ATXN10: variants seen among roughly 807,000 people sequenced by gnomAD.
ATXN10 encodes the protein ataxin 10.
A neutral mutation model predicts 52.9 loss-of-function variants in ATXN10; 28 were observed. That is an observed-to-expected ratio of 0.53 (90% CI 0.39 to 0.73). The LOEUF is 0.73. Ranked by LOEUF, ATXN10 falls within the 30% of genes least tolerant of loss-of-function variation. The probability of loss-of-function intolerance (pLI) is 0.00; values close to 1 mark genes in which losing one functional copy is unlikely to be tolerated. For synonymous variants in ATXN10, 226 were observed against 221.5 expected, an observed-to-expected ratio of 1.02 and a Z score of -0.18; for missense variants, 565 against 577.0, an observed-to-expected ratio of 0.98 and a Z score of 0.21.
intron 10 of ATXN10, among the ~76,000 whole-genome samples, chr22:45,809,496 A>G (rs535820168): frequency 7.2e-5 from 11 of 152,308 alleles, no homozygotes; most frequent in African/African-American, 2.4e-4. Context: ...TCTAAATAAT[A>G]TGCTTTATTG....
chr22:45,750,063 C>A lies in ATXN10; in HGVS notation c.1173+9525C>A, dbSNP rs372460736. On this transcript the variant is annotated intron_variant, in intron 9 of 11. Transcript: ENST00000252934. The surrounding 1 kb of genome is among the most constrained non-coding windows in gnomAD (Gnocchi z 4.2). ...ACTGCTACTCAGTTTTCTTTACTTACGCCATATGATCAATTTTTAGATAAC... is the reference window on the plus strand; with the variant it reads ...ACTGCTACTCAGTTTTCTTTACTTAAGCCATATGATCAATTTTTAGATAAC... 9.9e-5 allele frequency among the ~76,000 whole-genome samples: 15 copies of A among 152,132 alleles called. No homozygotes were observed. The East Asian group carries it at 2.9e-3, about 29-fold the overall frequency.
intron 9 of ATXN10, among the ~76,000 whole-genome samples, chr22:45,778,635 T>G (rs1927043131): frequency 6.6e-6 from 1 of 152,192 alleles, no homozygotes; most frequent in African/African-American, 2.4e-5. Flanking sequence ...TCTGGTACAA[T>G]TAGCCTAAAA....
rs1928060078 is a variant in ATXN10, at chr22:45,805,203, A to G, written c.1174-1756A>G. ...GAATGCCTACTACAAAAGACAGACA[A>G]TAGCAAGTGTTTATGAGATTGTGGA... is the stretch of plus-strand genomic sequence containing the variant. On this transcript the variant is annotated intron_variant, in intron 9 of 11. Transcript: ENST00000252934. The surrounding 1 kb of genome is among the most constrained non-coding windows in gnomAD (Gnocchi z 4.4). 6.6e-6 allele frequency among the ~76,000 whole-genome samples: 1 copy of G among 152,238 alleles called. No homozygotes were observed. The highest frequency in any genetic ancestry group is 2.4e-5 in the African/African-American group (1 of 41,462).
In ATXN10 at chr22:45,783,528, C is replaced by T. The variant is rs570994913; in HGVS notation, c.1174-23431C>T. On this transcript the variant is annotated intron_variant, in intron 9 of 11. Coordinates refer to ENST00000252934, the MANE Select transcript of ATXN10 (RefSeq NM_013236.4). The surrounding 1 kb of genome is among the most constrained non-coding windows in gnomAD (Gnocchi z 5.0). ...CAGGGCTGCCCCTGATTGGACCTGC[C>T]TGGCCGGCTCAGGTGTCCTCTTCTG... 1.8e-4 allele frequency among the ~76,000 whole-genome samples: 28 copies of T among 152,312 alleles called. No homozygotes were observed. The highest frequency in any genetic ancestry group is 6.5e-4 in the African/African-American group (27 of 41,572).
intron 9 of ATXN10, among the ~76,000 whole-genome samples, chr22:45,742,020 T>C (rs1367110755): frequency 2.6e-5 from 4 of 152,170 alleles, no homozygotes; most frequent in African/African-American, 9.7e-5. Context: ...CCCCAAACTC[T>C]GGGTGTCAGC....
At chr22:45,797,093 C>G (rs1927768823) in intron 9 of ATXN10, among the ~76,000 whole-genome samples, 1 of 152,126 alleles carries the variant, frequency 6.6e-6, no homozygotes. Flanking sequence ...CCAAAACTGA[C>G]ACCTGAAAGA....
At chr22:45,832,303 C>G (rs1929019711) in intron 10 of ATXN10, among the ~76,000 whole-genome samples, 1 of 152,188 alleles carries the variant, frequency 6.6e-6, no homozygotes. Context: ...TCATTCTTCC[C>G]AGCCATACAA....
intron 9 of ATXN10, among the ~76,000 whole-genome samples, chr22:45,755,974 A>T (rs889358174): frequency 6.6e-6 from 1 of 150,552 alleles, no homozygotes; most frequent in Non-Finnish European, 1.5e-5. Context: ...CCCCAGACCC[A>T]TGCTCTGCAC....
rs375971893 is a variant in ATXN10 at position 45,835,957 on chromosome 22, G to A, written c.1238-7034G>A. Among the ~76,000 whole-genome samples the A allele has an allele frequency of 2.3e-4, 35 of 152,194 alleles. No individual in the cohort carries two copies. The highest frequency in any genetic ancestry group is 3.5e-4 in the Non-Finnish European group (24 of 68,018). ...ATGCTATTAAGGCATAACAGGCTACGAAACATAGAACAGTACATACAGCAT... is the reference window on the plus strand; with the variant it reads ...ATGCTATTAAGGCATAACAGGCTACAAAACATAGAACAGTACATACAGCAT... On this transcript the variant is annotated intron_variant, in intron 10 of 11. Coordinates refer to ENST00000252934, the MANE Select transcript of ATXN10 (RefSeq NM_013236.4). This position sits in a 1 kb window ranked among gnomAD's most constrained non-coding sequence, Gnocchi z 5.0.
intron 9 of ATXN10, among the ~76,000 whole-genome samples, chr22:45,785,577 A>G (rs1927294822): frequency 6.6e-6 from 1 of 152,222 alleles, no homozygotes; most frequent in African/African-American, 2.4e-5. Context: ...CTTACCGTTT[A>G]CTAGAATGAC....
At chr22:45,779,771 T>G (rs1004752612) in intron 9 of ATXN10, among the ~76,000 whole-genome samples, 16 of 152,248 alleles carry the variant, frequency 1.1e-4, no homozygotes, top group African/African-American at 3.4e-4. Context: ...TTGTGGTTTG[T>G]GATCTAGCAG....
At chr22:45,697,239 A>G (rs1923646757) in intron 3 of ATXN10, among the ~76,000 whole-genome samples, 1 of 151,754 alleles carries the variant, frequency 6.6e-6, no homozygotes. Context: ...GGTTCAAGCA[A>G]TTCTCCTGCC....
chr22:45,814,998 C>T (rs183125408), intron 10 of ATXN10, among the ~76,000 whole-genome samples: 2 of 152,246 alleles, frequency 1.3e-5, no homozygotes, highest in African/African-American at 4.8e-5. Context: ...GTCCCTGGTG[C>T]CAAAAAGGTT....
At chr22:45,692,299 G>C (rs1923415525) in intron 2 of ATXN10, among the ~76,000 whole-genome samples, 1 of 152,094 alleles carries the variant, frequency 6.6e-6, no homozygotes, top group African/African-American at 2.4e-5. Flanking sequence ...GGTAGGGCCA[G>C]CAAAGCAAGG....
chr22:45,689,246 C>T (rs980974260), intron 1 of ATXN10, among the ~76,000 whole-genome samples: 2 of 152,182 alleles, frequency 1.3e-5, no homozygotes, highest in African/African-American at 2.4e-5. Context: ...AATATATTCT[C>T]TGTCTAGAAC....
intron 7 of ATXN10, among the ~76,000 whole-genome samples, chr22:45,737,984 A>G (rs1729788586): frequency 6.6e-6 from 1 of 152,106 alleles, no homozygotes. Context: ...TGTTATCTTT[A>G]TGGACTAACT....
In ATXN10 at chr22:45,688,281, T is replaced by C. The variant is rs1262442186; in HGVS notation, c.117-1431T>C. ...GGGGAGACATAGACAAATTATTTTA[T>C]GTGCAGTTTCCCAGTTTTTAATTAA... On this transcript the variant is annotated intron_variant, in intron 1 of 11. Transcript: ENST00000252934. The surrounding 1 kb of genome is among the most constrained non-coding windows in gnomAD (Gnocchi z 4.0). Among the ~76,000 whole-genome samples, 1 of 152,206 alleles carries C rather than the reference T, an allele frequency of 6.6e-6. No homozygotes were observed. Among genetic ancestry groups the C allele is most frequent in the South Asian group, 2.1e-4 (1 of 4,830 alleles).
At chr22:45,707,571 T>A (rs988726254) in intron 5 of ATXN10, among the ~76,000 whole-genome samples, 9 of 150,120 alleles carry the variant, frequency 6.0e-5, no homozygotes, top group African/African-American at 2.2e-4. Flanking sequence ...TCATCTGCAG[T>A]TTTTTTTTAG....
rs753476646 is a variant in ATXN10 at position 45,700,411 on chromosome 22, T to A, written c.488+33T>A. On this transcript the variant is annotated intron_variant, in intron 4 of 11. Coordinates refer to ENST00000252934, the MANE Select transcript of ATXN10 (RefSeq NM_013236.4). ...TATTGATAAGCATTTTTCTAACTTG[T>A]GAGAAGATTGTGGCTATATTTTTCC... is the stretch of plus-strand genomic sequence containing the variant. The A allele has an allele frequency of 5.9e-6, 9 of 1,521,850 alleles. No homozygotes were observed. In the Admixed American group the frequency reaches 1.2e-4, roughly 20 times the overall value. The allele number at this position is 1,521,850 out of a possible 1,614,324, so 94.3% of individuals were successfully genotyped here.
Sources: allele counts gnomAD v4.1 joint callset (sites outside exome capture counted in the v4.1 genomes callset), GRCh38; gene constraint gnomAD v4.1.1; non-coding constraint Gnocchi (gnomAD v3.1); transcripts MANE v1.5; gene names NCBI Gene and HGNC (gene_info 2026-07-23, HGNC 2026-07-21).